Variants in AFMID observed in about 807,000 individuals in gnomAD.
The protein encoded by AFMID is arylformamidase.
In AFMID, 39 loss-of-function variants were observed where a neutral mutation model predicts 47.5. That is an observed-to-expected ratio of 0.82 (90% CI 0.64 to 1.07). AFMID has a LOEUF of 1.07. AFMID is among the 50% of genes least tolerant of loss of function. The pLI is 0.00. For synonymous variants in AFMID, 130 were observed against 153.2 expected (o/e 0.85, Z 1.12); for missense variants, 375 against 387.5 (o/e 0.97, Z 0.27).
In AFMID at chr17:78,205,649, C is replaced by CAGCCGGCTCAAGCTCCAAAG. The variant is rs1188730241; in HGVS notation, c.697_698insCTCAAGCTCCAAAGAGCCGG (p.Val233AlafsTer61). Reference sequence around the variant, plus strand: ...CCCCCAGCTGAAGGTGGCCCAGGCACAGCCGGTGGACCCCACCTGCCGTGT... The same window carrying CAGCCGGCTCAAGCTCCAAAG: ...CCCCCAGCTGAAGGTGGCCCAGGCACAGCCGGCTCAAGCTCCAAAGAGCCGGTGGACCCCACCTGCCGTGT... On this transcript the variant is annotated frameshift_variant, in exon 9 of 11. Transcript: ENST00000409257. LOFTEE classifies it high-confidence loss of function. The CAGCCGGCTCAAGCTCCAAAG allele has an allele frequency of 2.5e-6, 4 of 1,613,882 alleles. No homozygotes were observed. The highest frequency in any genetic ancestry group is 3.4e-6 in the Non-Finnish European group (4 of 1,179,950).
rs182683014 is a variant in AFMID at position 78,197,459 on chromosome 17, G to A, written c.155-5040G>A. On this transcript the variant is annotated intron_variant, in intron 2 of 10. Coordinates refer to ENST00000409257, the MANE Select transcript of AFMID (RefSeq NM_001010982.5). ...GCTTTCAGCAAAGGATTGGTGGCAG[G>A]TCTGCAGCCCTGGGGCTTATCAGAC... 4 of 433,414 alleles carry A rather than the reference G, an allele frequency of 9.2e-6. No individual in the cohort carries two copies. The East Asian group carries it at 1.3e-4, about 14-fold the overall frequency. 26.8% of individuals were successfully genotyped at this position (433,414 alleles called of 1,614,324 possible). A position where few individuals can be genotyped will look rare whatever the true frequency, so the allele number is the denominator to read the frequency against.
intron 4 of AFMID, chr17:78,203,362 CTTT>C (rs61422242): frequency 0.012 from 1,596 of 135,304 alleles, 15 homozygotes; most frequent in African/African-American, 0.03. Context: ...CACCAGCCTC[CTTT>C]TTTTTTTTTT....
intron 2 of AFMID, among the ~76,000 whole-genome samples, chr17:78,192,143 C>T (rs1302459797): frequency 6.6e-6 from 1 of 151,604 alleles, no homozygotes; most frequent in Non-Finnish European, 1.5e-5. Context: ...GGATTACAGG[C>T]ATGCGCCACC....
chr17:78,188,877 A>G lies in AFMID; in HGVS notation c.63+1444A>G, dbSNP rs536381198. On this transcript the variant is annotated intron_variant, in intron 1 of 10. Coordinates refer to ENST00000409257, the MANE Select transcript of AFMID (RefSeq NM_001010982.5). ...CTCCCAAAGTGCTGGGTTTACAGGC[A>G]TGAGCCACTGCGCCTGGCCAATTTT... Among the ~76,000 whole-genome samples, 605 of 152,056 alleles carry G rather than the reference A, an allele frequency of 4.0e-3. 11 individuals are homozygous for G. Among genetic ancestry groups the G allele is most frequent in the East Asian group, 1.5e-3 (8 of 5,164 alleles).
chr17:78,204,509 A>G, intron 4 of AFMID, 147 bp from the exon 5 acceptor site: 1 of 748,742 alleles, frequency 1.3e-6, no homozygotes, highest in Non-Finnish European at 2.3e-6. Flanking sequence ...GCAGGGAGAG[A>G]GCCTGTCCGC....
intron 1 of AFMID, among the ~76,000 whole-genome samples, chr17:78,190,226 G>T (rs775843183): frequency 3.3e-5 from 5 of 151,112 alleles, no homozygotes; most frequent in Non-Finnish European, 5.9e-5. Context: ...GACATTCACC[G>T]CCCCTCCTCC....
In AFMID at chr17:78,205,206, A is replaced by G; in HGVS notation, c.565+16A>G. On this transcript the variant is annotated intron_variant, in intron 7 of 10. Transcript: ENST00000409257. ...AACCTCAGAGGTTTCCATGGGAGCT[A>G]CAGCCTGGCTGGGCAACCTTCATCT... 6.2e-7 allele frequency: 1 copy of G among 1,604,342 alleles called. No homozygotes were observed. The highest frequency in any genetic ancestry group is 8.5e-7 in the Non-Finnish European group (1 of 1,174,878).
At chr17:78,203,055 CTTTTTTT>C (rs56016227) in intron 4 of AFMID, 434 of 111,118 alleles carry the variant, frequency 3.9e-3, no homozygotes, top group Admixed American at 7.3e-3. Context: ...CTTCCTCTCT[CTTTTTTT>C]TTTTTTTTTT....
At chr17:78,197,557 T>A (rs1285651586) in intron 2 of AFMID, 1 of 222,038 alleles carries the variant, frequency 4.5e-6, no homozygotes, top group Non-Finnish European at 8.9e-6. Context: ...TTCCATTAAG[T>A]TTCCCCAGTC....
At chr17:78,197,091 A>C (rs76913674) in intron 2 of AFMID, 18,446 of 1,466,238 alleles carry the variant, frequency 0.013, 531 homozygotes, top group East Asian at 0.11. Context: ...TTAGAACATA[A>C]ATTCCATGAT....
At position 78,187,960 on chromosome 17, in the gene AFMID, C is replaced by CAAAAAAAAAAAAA. The variant is rs34018698; in HGVS notation, c.63+544_63+556dup. 4.6e-4 allele frequency among the ~76,000 whole-genome samples: 26 copies of CAAAAAAAAAAAAA among 56,678 alleles called. 1 individual carries two copies. Among genetic ancestry groups the CAAAAAAAAAAAAA allele is most frequent in the East Asian group, 3.7e-3 (4 of 1,078 alleles). 37.2% of individuals were successfully genotyped at this position (56,678 alleles called of 152,430 possible). A position where few individuals can be genotyped will look rare whatever the true frequency, so the allele number is the denominator to read the frequency against. ...TGGGCGATAGACCAAGACTTAGTCT[C>CAAAAAAAAAAAAA]AAAAAAAAAAAAAAAAAAAAAAAAA... On this transcript the variant is annotated intron_variant, in intron 1 of 10. Transcript: ENST00000409257.
At chr17:78,195,519 T>G (rs574758899) in intron 2 of AFMID, among the ~76,000 whole-genome samples, 2,588 of 145,350 alleles carry the variant, frequency 0.018, 48 homozygotes, top group South Asian at 0.1. Context: ...TTTTTTTTTT[T>G]GGGGCGGAGT....
chr17:78,194,124 T>A (rs78883143), intron 2 of AFMID, among the ~76,000 whole-genome samples: 2 of 143,298 alleles, frequency 1.4e-5, no homozygotes, highest in Non-Finnish European at 3.1e-5. Context: ...TTTTTTTTTT[T>A]CTTTGAGACA....
intron 2 of AFMID, among the ~76,000 whole-genome samples, chr17:78,191,381 A>T (rs2075964646): frequency 6.6e-6 from 1 of 152,118 alleles, no homozygotes; most frequent in African/African-American, 2.4e-5. Context: ...TGAACAGAGG[A>T]ACGTTCCCCA....
chr17:78,191,324 C>T (rs1402667641), intron 2 of AFMID, among the ~76,000 whole-genome samples: 2 of 152,144 alleles, frequency 1.3e-5, no homozygotes, highest in Non-Finnish European at 1.5e-5. Context: ...GCCATCCATA[C>T]CCAGGCCCGT....
chr17:78,197,203 G>A, intron 2 of AFMID: 1 of 1,550,754 alleles, frequency 6.4e-7, no homozygotes, highest in Non-Finnish European at 8.7e-7. Context: ...ACTCCGATGA[G>A]CCTGTGAGGC....
chr17:78,188,748 A>C (rs543186942), intron 1 of AFMID, among the ~76,000 whole-genome samples: 21 of 151,970 alleles, frequency 1.4e-4, no homozygotes, highest in African/African-American at 5.1e-4. Flanking sequence ...ATGCGCCCGC[A>C]ACCATGCCCG....
intron 7 of AFMID, 46 bp from the exon 8 acceptor site, chr17:78,205,394 T>C (rs374351291): frequency 2.5e-6 from 4 of 1,604,864 alleles, no homozygotes; most frequent in Non-Finnish European, 3.4e-6. Context: ...GGCCCTGCCT[T>C]GCTCCGCCTG....
At chr17:78,190,080 G>A (rs1217756057) in intron 1 of AFMID, among the ~76,000 whole-genome samples, 3 of 151,102 alleles carry the variant, frequency 2.0e-5, no homozygotes, top group South Asian at 2.1e-4. Context: ...TCCCGCCTCC[G>A]CCTCCCAAAG....
Sources: gnomAD v4.1 joint callset for allele counts (sites outside exome capture counted in the v4.1 genomes callset) on GRCh38, gnomAD v4.1.1 for gene constraint, MANE v1.5 for transcripts, NCBI Gene and HGNC (gene_info 2026-07-23, HGNC 2026-07-21) for gene names.